The following C3orf33 variants were observed in gnomAD, a reference collection of about 807,000 sequenced individuals.
The protein encoded by C3orf33 is mitochondrial inner membrane subdomain organizer 1.
A neutral mutation model predicts 28.7 loss-of-function variants in C3orf33; 23 were observed. The ratio of observed to expected loss-of-function variants is 0.80; its 90% CI spans 0.58 to 1.13. C3orf33 has a LOEUF of 1.13. Among genes scored for constraint, C3orf33 ranks in the 50% most tolerant of loss-of-function variants. The probability of loss-of-function intolerance (pLI) is 0.00; values close to 1 mark genes in which losing one functional copy is unlikely to be tolerated. For synonymous variants in C3orf33, 119 were observed against 120.5 expected (o/e 0.99, Z 0.08); for missense variants, 327 against 353.4 (o/e 0.93, Z 0.60).
chr3:155,776,292 A>G (rs1188660555), intron 2 of C3orf33, among the ~76,000 whole-genome samples: 1 of 152,206 alleles, frequency 6.6e-6, no homozygotes, highest in East Asian at 1.9e-4. Flanking sequence ...AGGTTTTTTT[A>G]CTATCATTTT....
At chr3:155,780,306 G>A (rs559533055) in intron 2 of C3orf33, among the ~76,000 whole-genome samples, 4 of 152,092 alleles carry the variant, frequency 2.6e-5, no homozygotes, top group Non-Finnish European at 5.9e-5. Flanking sequence ...GAAGCATCCT[G>A]GTAAAGACAA....
chr3:155,802,029 G>A (rs1413688829), intron 2 of C3orf33, among the ~76,000 whole-genome samples: 1 of 152,160 alleles, frequency 6.6e-6, no homozygotes, highest in East Asian at 1.9e-4. Context: ...TGGGATTACA[G>A]GCATAAGCCA....
chr3:155,789,666 T>C (rs1482616270), intron 2 of C3orf33, among the ~76,000 whole-genome samples: 1 of 151,942 alleles, frequency 6.6e-6, no homozygotes, highest in Non-Finnish European at 1.5e-5. Context: ...CCCAAAATAA[T>C]TTTGAGAAAG....
In C3orf33 at chr3:155,783,411, A is replaced by C. The variant is rs1577424543; in HGVS notation, c.175-7563T>G. Among the ~76,000 whole-genome samples the C allele has an allele frequency of 2.7e-5, 4 of 146,840 alleles. No individual in the cohort carries two copies. The South Asian group carries it at 8.6e-4, about 32-fold the overall frequency. On this transcript the variant is annotated intron_variant, in intron 2 of 4. Coordinates refer to ENST00000340171, the MANE Select transcript of C3orf33 (RefSeq NM_001308229.2). ...CTCAGGTGATCCACCCACCTCATCC[A>C]CCCAAAGGGTTGGGATTACAGGCAT...
intron 2 of C3orf33, among the ~76,000 whole-genome samples, chr3:155,788,902 C>T (rs1243842379): frequency 1.3e-5 from 2 of 152,132 alleles, no homozygotes; most frequent in Non-Finnish European, 2.9e-5. Flanking sequence ...CCTCTGTTCA[C>T]AGATTATACG....
At chr3:155,777,959 G>T (rs1326842664) in intron 2 of C3orf33, among the ~76,000 whole-genome samples, 2 of 151,972 alleles carry the variant, frequency 1.3e-5, no homozygotes, top group Non-Finnish European at 2.9e-5. Context: ...AGACCATCCT[G>T]GCCAACATGG....
chr3:155,776,019 A>G, intron 2 of C3orf33, among the ~76,000 whole-genome samples, 171 bp from the exon 3 acceptor site: 1 of 152,228 alleles, frequency 6.6e-6, no homozygotes, highest in Non-Finnish European at 1.5e-5. Context: ...TGTTTATGGA[A>G]ACATTATTTA....
chr3:155,767,059 C>T (rs1372810096), intron 4 of C3orf33, among the ~76,000 whole-genome samples: 2 of 152,150 alleles, frequency 1.3e-5, no homozygotes, highest in African/African-American at 2.4e-5. Context: ...TCGAGACCAT[C>T]CTGGCCAACA....
intron 2 of C3orf33, among the ~76,000 whole-genome samples, chr3:155,781,974 G>A (rs1166111523): frequency 1.3e-5 from 2 of 151,694 alleles, no homozygotes; most frequent in African/African-American, 2.4e-5. Flanking sequence ...TACTCAGGAG[G>A]CTGAGGCAGG....
intron 4 of C3orf33, 147 bp from the exon 5 acceptor site, chr3:155,764,065 G>A (rs1251695786): frequency 1.4e-5 from 7 of 489,142 alleles, no homozygotes; most frequent in Non-Finnish European, 2.0e-5. Flanking sequence ...CCCCAAAACA[G>A]CTCTTGCGAA....
At chr3:155,796,051 C>T (rs185866870) in intron 2 of C3orf33, among the ~76,000 whole-genome samples, 3 of 151,892 alleles carry the variant, frequency 2.0e-5, no homozygotes, top group Admixed American at 2.0e-4. Flanking sequence ...GCTATAAGCA[C>T]CTACATCAAA....
rs981234239 is a variant in C3orf33, at chr3:155,806,140, C to T, written c.113G>A (p.Arg38Gln). 4 of 1,457,604 alleles carry T rather than the reference C, an allele frequency of 2.7e-6. No individual in the cohort carries two copies. In the African/African-American group the frequency reaches 5.7e-5, roughly 21 times the overall value. 90.3% of individuals were successfully genotyped at this position (1,457,604 alleles called of 1,614,324 possible). A position where few individuals can be genotyped will look rare whatever the true frequency, so the allele number is the denominator to read the frequency against. ...QWADDHLRLV[R>Q]NISTGMAIAG... ...GCCCAGACTGCGTGGCCCCAGTACC[C>T]GGACTAGGCGCAGGTGGTCGTCTGC... Residue 38 changes from arginine to glutamine, a missense_variant and splice_region_variant, in exon 1 of 5, where the codon CGG becomes CAG. Physicochemically the swap from Arg to Gln is conservative, Grantham distance 43. Transcript: ENST00000340171.
At chr3:155,785,200 C>T (rs1751061804) in intron 2 of C3orf33, among the ~76,000 whole-genome samples, 1 of 151,522 alleles carries the variant, frequency 6.6e-6, no homozygotes, top group African/African-American at 2.4e-5. Context: ...TATTTATGTA[C>T]CAAATAACAG....
intron 3 of C3orf33, among the ~76,000 whole-genome samples, chr3:155,773,642 A>C (rs1231907448): frequency 2.0e-5 from 3 of 152,234 alleles, no homozygotes; most frequent in African/African-American, 4.8e-5. Flanking sequence ...TTAATATAAA[A>C]ATCATACATG....
At chr3:155,773,705 A>C (rs779089608) in intron 3 of C3orf33, among the ~76,000 whole-genome samples, 3 of 152,234 alleles carry the variant, frequency 2.0e-5, no homozygotes, top group Non-Finnish European at 4.4e-5. Context: ...TTTCTATGGA[A>C]TATCACCCCT....
chr3:155,801,694 C>T (rs1020753090), intron 2 of C3orf33, among the ~76,000 whole-genome samples: 5 of 151,888 alleles, frequency 3.3e-5, no homozygotes, highest in Admixed American at 2.0e-4. Context: ...GAAAATGGAA[C>T]GATAGATGCC....
rs73873419 is a variant in C3orf33 at position 155,791,700 on chromosome 3, G to A, written c.174+10832C>T. On this transcript the variant is annotated intron_variant, in intron 2 of 4. Coordinates refer to ENST00000340171, the MANE Select transcript of C3orf33 (RefSeq NM_001308229.2). Reference sequence around the variant, plus strand: ...CAGTGGTAGCCAGGCAGTATTTGCCGCAGGCCTGGGATGGTGGTGGCCCCA... The same window carrying A: ...CAGTGGTAGCCAGGCAGTATTTGCCACAGGCCTGGGATGGTGGTGGCCCCA... 5.5e-3 allele frequency among the ~76,000 whole-genome samples: 841 copies of A among 151,950 alleles called. 8 individuals are homozygous for A. Among genetic ancestry groups the A allele is most frequent in the African/African-American group, 0.019 (805 of 41,468 alleles).
At chr3:155,790,034 C>T (rs1440988437) in intron 2 of C3orf33, among the ~76,000 whole-genome samples, 1 of 151,708 alleles carries the variant, frequency 6.6e-6, no homozygotes, top group African/African-American at 2.4e-5. Context: ...TGTAGTGGCG[C>T]ATGCCTGTAG....
At chr3:155,792,286 T>C (rs557038882) in intron 2 of C3orf33, among the ~76,000 whole-genome samples, 1 of 152,230 alleles carries the variant, frequency 6.6e-6, no homozygotes, top group Admixed American at 6.5e-5. Flanking sequence ...CTAATACAAA[T>C]ATGGCTGCAG....
Sources: allele counts gnomAD v4.1 joint callset (sites outside exome capture counted in the v4.1 genomes callset), GRCh38; gene constraint gnomAD v4.1.1; transcripts MANE v1.5; gene names NCBI Gene and HGNC (gene_info 2026-07-23, HGNC 2026-07-21).